Variants in ATP8B4 observed in about 807,000 individuals in gnomAD.
ATP8B4 encodes ATPase phospholipid transporting 8B4 (putative), also known as probable phospholipid-transporting ATPase IM.
Under a neutral mutation model 145.6 loss-of-function variants are expected in ATP8B4, and 133 were observed. The ratio of observed to expected loss-of-function variants is 0.91; its 90% CI spans 0.79 to 1.05. The LOEUF (loss-of-function observed/expected upper bound fraction) is 1.05. ATP8B4 is among the 50% of genes least tolerant of loss of function. ATP8B4 has a pLI of 0.00. For missense variants in ATP8B4, 1,458 were observed against 1,425.2 expected (o/e 1.02, Z -0.37); for synonymous variants, 507 against 492.9 (o/e 1.03, Z -0.38).
intron 1 of ATP8B4, among the ~76,000 whole-genome samples, chr15:50,156,578 A>G (rs139186079): frequency 3.3e-5 from 5 of 152,344 alleles, no homozygotes; most frequent in Non-Finnish European, 5.9e-5. Flanking sequence ...GATTCAAGGT[A>G]GGCAAAAAAG....
chr15:50,086,826 A>AAT (rs1289660420), intron 2 of ATP8B4, among the ~76,000 whole-genome samples: 1 of 73,094 alleles, frequency 1.4e-5, no homozygotes, highest in African/African-American at 7.4e-5. Context: ...ATAATAAAAT[A>AAT]ATAGAGATCT....
intron 14 of ATP8B4, among the ~76,000 whole-genome samples, chr15:49,954,384 G>C (rs751410415): frequency 6.6e-6 from 1 of 152,142 alleles, no homozygotes; most frequent in African/African-American, 2.4e-5. Flanking sequence ...ACCATCAAGA[G>C]AGTAAACAGA....
intron 17 of ATP8B4, 35 bp downstream of exon 17, chr15:49,923,344 G>C: frequency 7.0e-7 from 1 of 1,433,176 alleles, no homozygotes; most frequent in Non-Finnish European, 9.8e-7. Flanking sequence ...ATGGCAAAAG[G>C]GCCATTGTGC....
At chr15:50,061,986 T>C (rs759272223) in intron 3 of ATP8B4, among the ~76,000 whole-genome samples, 1 of 152,266 alleles carries the variant, frequency 6.6e-6, no homozygotes, top group Non-Finnish European at 1.5e-5. Flanking sequence ...TAATGTCTAA[T>C]ACTGTTATTT....
At chr15:49,991,568 T>C (rs1281237795) in intron 9 of ATP8B4, among the ~76,000 whole-genome samples, 1 of 152,200 alleles carries the variant, frequency 6.6e-6, no homozygotes, top group Non-Finnish European at 1.5e-5. Flanking sequence ...TCTTTTTATA[T>C]TATATTTGAT....
Position 50,060,635 on chromosome 15 carries a change from C to G in ATP8B4, c.88-13171G>C, listed in dbSNP as rs527458497. On this transcript the variant is annotated intron_variant, in intron 3 of 27. Transcript: ENST00000284509. ...TTGACAATTAAATACTTTCCCCGCC[C>G]CGCCCCCACCACCACCTCTTTGCTT... Among the ~76,000 whole-genome samples, 36 of 152,266 alleles carry G rather than the reference C, an allele frequency of 2.4e-4. No individual in the cohort carries two copies. In the East Asian group the frequency reaches 6.9e-3, roughly 29 times the overall value.
chr15:49,909,917 G>GT (rs1219180696), intron 20 of ATP8B4, among the ~76,000 whole-genome samples: 1 of 151,980 alleles, frequency 6.6e-6, no homozygotes, highest in African/African-American at 2.4e-5. Flanking sequence ...AGATAGCAAC[G>GT]TAAGGACACA....
intron 17 of ATP8B4, 114 bp from the exon 18 acceptor site, chr15:49,920,524 G>A: frequency 8.7e-7 from 1 of 1,144,986 alleles, no homozygotes; most frequent in Non-Finnish European, 1.2e-6. Context: ...TGTACCAAGA[G>A]CACTGCTTGG....
At chr15:50,023,810 A>G (rs1237042709) in intron 6 of ATP8B4, among the ~76,000 whole-genome samples, 2 of 151,134 alleles carry the variant, frequency 1.3e-5, no homozygotes, top group African/African-American at 4.8e-5. Flanking sequence ...AAAAAAGAAA[A>G]AAAAAAAGCC....
At chr15:49,926,191 T>C (rs1005418319) in intron 16 of ATP8B4, among the ~76,000 whole-genome samples, 2 of 152,136 alleles carry the variant, frequency 1.3e-5, no homozygotes, top group African/African-American at 4.8e-5. Flanking sequence ...CGACTACCAG[T>C]TGAAAATCTC....
intron 1 of ATP8B4, among the ~76,000 whole-genome samples, chr15:50,134,471 A>T (rs2044095210): frequency 6.6e-6 from 1 of 152,190 alleles, no homozygotes; most frequent in South Asian, 2.1e-4. Context: ...AAAGCCATTC[A>T]AGTAGAAAGA....
At chr15:50,127,959 A>T (rs2057318321) in intron 1 of ATP8B4, among the ~76,000 whole-genome samples, 1 of 152,176 alleles carries the variant, frequency 6.6e-6, no homozygotes, top group Non-Finnish European at 1.5e-5. Flanking sequence ...CCCAGTCTCA[A>T]GGCCCAGGAG....
At chr15:50,138,455 TGATAGAC>T (rs869128305) in intron 1 of ATP8B4, among the ~76,000 whole-genome samples, 6 of 107,018 alleles carry the variant, frequency 5.6e-5, no homozygotes, top group South Asian at 6.2e-4. Context: ...GATAGACAGA[TGATAGAC>T]AGATAGATAG....
At chr15:50,138,327 T>TAGATAGAC (rs2044155469) in intron 1 of ATP8B4, among the ~76,000 whole-genome samples, 1 of 4,626 alleles carries the variant, frequency 2.2e-4, no homozygotes, top group Admixed American at 3.0e-3. Flanking sequence ...GATAGATAGG[T>TAGATAGAC]AGATAGATAG....
rs1047255990 is a variant in ATP8B4 at position 50,023,287 on chromosome 15, C to T, written c.363-12370G>A. 9.9e-5 allele frequency among the ~76,000 whole-genome samples: 15 copies of T among 152,246 alleles called. No homozygotes were observed. The South Asian group carries it at 2.1e-3, about 21-fold the overall frequency. ...TAATCACAAGAGCCACTACTGGGAA[C>T]GATATTTTCAATTTGGTTAATCAGG... On this transcript the variant is annotated intron_variant, in intron 6 of 27. Coordinates refer to ENST00000284509, the MANE Select transcript of ATP8B4 (RefSeq NM_024837.4).
At chr15:49,863,427 G>A in intron 26 of ATP8B4, among the ~76,000 whole-genome samples, 1 of 152,160 alleles carries the variant, frequency 6.6e-6, no homozygotes, top group East Asian at 1.9e-4. Context: ...AGTAAGGCAG[G>A]CAGACAAGCT....
At chr15:50,122,533 C>CTGTT (rs917247698), upstream of ATP8B4, among the ~76,000 whole-genome samples, 1 of 150,294 alleles carries the variant, frequency 6.7e-6, no homozygotes, top group Non-Finnish European at 1.5e-5. Flanking sequence ...TTGTGTTTGT[C>CTGTT]TGTTTGTTTG....
intron 3 of ATP8B4, among the ~76,000 whole-genome samples, chr15:50,069,497 G>A (rs747746969): frequency 1.3e-5 from 2 of 152,158 alleles, no homozygotes; most frequent in African/African-American, 2.4e-5. Flanking sequence ...AGAGCTATCT[G>A]TAAATTTTTC....
At chr15:50,029,230 C>A (rs2050237162) in intron 6 of ATP8B4, among the ~76,000 whole-genome samples, 1 of 66,356 alleles carries the variant, frequency 1.5e-5, no homozygotes, top group African/African-American at 9.8e-5. Flanking sequence ...CAGAGCAAGA[C>A]TCCATCTTAA....
Sources: gnomAD v4.1 joint callset for allele counts (sites outside exome capture counted in the v4.1 genomes callset) on GRCh38, gnomAD v4.1.1 for gene constraint, MANE v1.5 for transcripts, NCBI Gene and HGNC (gene_info 2026-07-23, HGNC 2026-07-21) for gene names.